FAM177B: variants seen among roughly 807,000 people sequenced by gnomAD.
FAM177B encodes protein FAM177B.
Under a neutral mutation model 16.1 loss-of-function variants are expected in FAM177B, and 16 were observed. The ratio of observed to expected loss-of-function variants is 0.99; its 90% CI spans 0.67 to 1.51. The LOEUF is 1.51. Ranked by LOEUF, FAM177B falls within the 40% of genes most tolerant of loss-of-function variation. The pLI is 0.00. For synonymous variants in FAM177B, 56 were observed against 59.9 expected, an observed-to-expected ratio of 0.93 and a Z score of 0.30; for missense variants, 178 against 183.7, an observed-to-expected ratio of 0.97 and a Z score of 0.18.
At chr1:222,742,341 G>A (rs990424308) in intron 2 of FAM177B, among the ~76,000 whole-genome samples, 1 of 152,134 alleles carries the variant, frequency 6.6e-6, no homozygotes. Context: ...TGGTCTTAAA[G>A]TGAGATTTGA....
chr1:222,738,151 T>C (rs1311575113), intron 2 of FAM177B, 130 bp downstream of exon 2: 2 of 152,140 alleles, frequency 1.3e-5, no homozygotes, highest in African/African-American at 2.4e-5. Flanking sequence ...AGCAGGTAGT[T>C]GGATCTGTGA....
chr1:222,740,627 T>C (rs530181931), intron 2 of FAM177B, among the ~76,000 whole-genome samples: 2 of 152,346 alleles, frequency 1.3e-5, no homozygotes, highest in African/African-American at 4.8e-5. Flanking sequence ...CAGCTCATAT[T>C]TTTTGTTATT....
intron 2 of FAM177B, among the ~76,000 whole-genome samples, chr1:222,743,670 G>A (rs1658654066): frequency 6.6e-6 from 1 of 152,104 alleles, no homozygotes; most frequent in African/African-American, 2.4e-5. Context: ...TTTTTTAGGT[G>A]ACTATTTCTA....
In FAM177B at chr1:222,750,083, G is replaced by A. The variant is rs370642909; in HGVS notation, c.*25G>A. The A allele has an allele frequency of 5.0e-6, 8 of 1,606,042 alleles. No individual in the cohort carries two copies. The highest frequency in any genetic ancestry group is 6.8e-6 in the Non-Finnish European group (8 of 1,176,930). On this transcript the variant is annotated 3_prime_UTR_variant, in exon 6 of 6. Transcript: ENST00000445590. ...AAGCACCTCATCCAGGGAGGGTCTG[G>A]TGGCAGATCCTAGCTCATGATGGCA...
chr1:222,749,446 T>C lies in FAM177B; in HGVS notation c.242-19T>C. On this transcript the variant is annotated intron_variant, in intron 4 of 5. Transcript: ENST00000445590. ...TAGTTAGTAATTCAGTTTACGCAAG[T>C]GCTCGTTCTTTCTTTTAGCATGTGA... 1 of 1,486,554 alleles carries C rather than the reference T, an allele frequency of 6.7e-7. No homozygotes were observed. The highest frequency in any genetic ancestry group is 1.2e-5 in the South Asian group (1 of 86,386). 92.1% of individuals were successfully genotyped at this position (1,486,554 alleles called of 1,614,324 possible). A position where few individuals can be genotyped will look rare whatever the true frequency, so the allele number is the denominator to read the frequency against.
chr1:222,748,894 G>A, intron 4 of FAM177B: 1 of 373,310 alleles, frequency 2.7e-6, no homozygotes, highest in South Asian at 2.1e-5. Context: ...AACTTTTCTA[G>A]GAGACTTCTT....
At chr1:222,741,926 CTCTCTTTCTTTCTT>C (rs1427688185) in intron 2 of FAM177B, among the ~76,000 whole-genome samples, 4 of 102,510 alleles carry the variant, frequency 3.9e-5, no homozygotes, top group Non-Finnish European at 7.2e-5. Context: ...CTCTCTCTCT[CTCTCTTTCTTTCTT>C]TCTTTCTTTC....
At chr1:222,749,429 A>C (rs1450373250) in intron 4 of FAM177B, 36 bp from the exon 5 acceptor site, 1 of 1,210,918 alleles carries the variant, frequency 8.3e-7, no homozygotes, top group East Asian at 2.3e-5. Flanking sequence ...TTTAGTTAGT[A>C]ATTCAGTTTA....
At chr1:222,742,620 G>T (rs2125060786) in intron 2 of FAM177B, 1 of 152,090 alleles carries the variant, frequency 6.6e-6, no homozygotes, top group East Asian at 1.9e-4. Flanking sequence ...ATCCTATAAG[G>T]TCCTGGATAA....
At chr1:222,746,780 T>C (rs1313421800) in intron 3 of FAM177B, 61 bp downstream of exon 3, 3 of 1,361,602 alleles carry the variant, frequency 2.2e-6, no homozygotes, top group Non-Finnish European at 3.0e-6. Context: ...GAACAAGAGA[T>C]TGAGCCAGAC....
intron 2 of FAM177B, among the ~76,000 whole-genome samples, chr1:222,738,410 G>T (rs974678673): frequency 6.6e-6 from 1 of 151,828 alleles, no homozygotes; most frequent in African/African-American, 2.4e-5. Context: ...GAAACAAAAG[G>T]TAGAGGTGCT....
At chr1:222,749,431 T>C (rs1443106697) in intron 4 of FAM177B, 34 bp from the exon 5 acceptor site, 8 of 1,256,534 alleles carry the variant, frequency 6.4e-6, no homozygotes, top group South Asian at 1.2e-5. Context: ...TAGTTAGTAA[T>C]TCAGTTTACG....
intron 2 of FAM177B, 57 bp from the exon 3 acceptor site, chr1:222,746,474 A>G: frequency 1.1e-6 from 1 of 940,240 alleles, no homozygotes; most frequent in Non-Finnish European, 1.6e-6. Flanking sequence ...GAAAATAACT[A>G]GATAACTCTC....
At chr1:222,741,798 TTC>T (rs369503377) in intron 2 of FAM177B, among the ~76,000 whole-genome samples, 1,683 of 146,846 alleles carry the variant, frequency 0.011, 21 homozygotes, top group Middle Eastern at 0.049. Flanking sequence ...CTTTCTTTCT[TTC>T]TCTCTTTCTT....
Position 222,750,614 on chromosome 1 carries a change from G to T in FAM177B, c.*556G>T. 1 of 819,532 alleles carries T rather than the reference G, an allele frequency of 1.2e-6. No individual in the cohort carries two copies. The allele number at this position is 819,532 out of a possible 1,614,324, so 50.8% of individuals were successfully genotyped here. ...TCATTATCAAGATCTTTAAGAATTA[G>T]GTACATCCCTCCAAATTAAAACAAT... is the stretch of plus-strand genomic sequence containing the variant. On this transcript the variant is annotated 3_prime_UTR_variant, in exon 6 of 6. Coordinates refer to ENST00000445590, the MANE Select transcript of FAM177B (RefSeq NM_001394345.1).
Position 222,750,030 on chromosome 1 carries a change from A to G in FAM177B, c.449A>G (p.Gln150Arg), listed in dbSNP as rs747490169. ...AGVQEYGTIQ[Q>R]DVTEAIPQ Reference sequence around the variant, plus strand: ...GTCCAAGAGTATGGAACCATACAACAGGATGTGACAGAGGCCATTCCTCAG... The same window carrying G: ...GTCCAAGAGTATGGAACCATACAACGGGATGTGACAGAGGCCATTCCTCAG... The change falls in exon 6 of 6, where the codon CAG (glutamine) becomes CGG (arginine). Residue 150 changes from glutamine to arginine, a missense_variant. By Grantham distance (43) the Gln-to-Arg change is conservative (BLOSUM62 1). Coordinates refer to ENST00000445590, the MANE Select transcript of FAM177B (RefSeq NM_001394345.1). 1.2e-6 allele frequency: 2 copies of G among 1,613,904 alleles called. No individual in the cohort carries two copies. The highest frequency in any genetic ancestry group is 1.1e-5 in the South Asian group (1 of 91,048).
rs200188314 is a variant in FAM177B at position 222,747,057 on chromosome 1, C to T, written c.217C>T (p.Arg73Ter). 8.1e-6 allele frequency: 13 copies of T among 1,611,814 alleles called. No individual in the cohort carries two copies. Among genetic ancestry groups the T allele is most frequent in the South Asian group, 4.4e-5 (4 of 91,036 alleles). Residue 73 changes from arginine to a stop codon, truncating the protein, a stop_gained, in exon 4 of 6, where the codon CGA becomes TGA. Coordinates refer to ENST00000445590, the MANE Select transcript of FAM177B (RefSeq NM_001394345.1). LOFTEE classifies it high-confidence loss of function. ...GCCCTACCTACGATTTTGGGCAGGA[C>T]GAATAGCAAGCACCTCATTTTCTAG... Reference protein sequence around the residue: ...WGPYLRFWAGRIASTSFSTCE... With the variant: ...WGPYLRFWAG
chr1:222,743,390 T>C (rs1296524131), intron 2 of FAM177B, among the ~76,000 whole-genome samples: 2 of 151,996 alleles, frequency 1.3e-5, no homozygotes, highest in African/African-American at 4.8e-5. Flanking sequence ...ACTCCTGACC[T>C]CATGCGATCC....
intron 2 of FAM177B, among the ~76,000 whole-genome samples, chr1:222,738,581 AGGCTGGGCGTGTGGC>A (rs1658389314): frequency 6.6e-6 from 1 of 150,400 alleles, no homozygotes. Flanking sequence ...AAAAAAAAAA[AGGCTGGGCGTGTGGC>A]ACGTGCCTGT....
Sources: allele counts gnomAD v4.1 joint callset (sites outside exome capture counted in the v4.1 genomes callset), GRCh38; gene constraint gnomAD v4.1.1; transcripts MANE v1.5; gene names NCBI Gene and HGNC (gene_info 2026-07-23, HGNC 2026-07-21).